The following ITGBL1 variants were observed in gnomAD, a reference collection of about 807,000 sequenced individuals.
ITGBL1 encodes integrin beta-like protein 1.
ITGBL1 carries 51 observed loss-of-function variants against 68.5 expected under a neutral mutation model. The ratio of observed to expected loss-of-function variants is 0.74; its 90% CI spans 0.59 to 0.94. ITGBL1 has a LOEUF of 0.94. Ranked by LOEUF, ITGBL1 falls within the 40% of genes least tolerant of loss-of-function variation. The pLI is 0.00. For synonymous variants in ITGBL1, 209 were observed against 227.3 expected (o/e 0.92, Z 0.72); for missense variants, 649 against 647.4 (o/e 1.00, Z -0.03).
At chr13:101,683,919 TTTG>T (rs140771777) in intron 7 of ITGBL1, among the ~76,000 whole-genome samples, 1 of 151,926 alleles carries the variant, frequency 6.6e-6, no homozygotes, top group Non-Finnish European at 1.5e-5. Context: ...ATTGTATGTA[TTTG>T]TTGTTGTTGT....
intron 2 of ITGBL1, among the ~76,000 whole-genome samples, chr13:101,542,367 T>C (rs1331060216): frequency 2.0e-5 from 3 of 152,236 alleles, no homozygotes; most frequent in Admixed American, 1.3e-4. Flanking sequence ...TGAGCGGTTT[T>C]GAGTGAGTTT....
At chr13:101,604,049 G>GTA (rs1411736950) in intron 7 of ITGBL1, among the ~76,000 whole-genome samples, 1 of 151,828 alleles carries the variant, frequency 6.6e-6, no homozygotes, top group African/African-American at 2.4e-5. Context: ...TGAACAAAAT[G>GTA]TATACTTTTA....
chr13:101,474,894 G>A (rs1168005133), intron 2 of ITGBL1, among the ~76,000 whole-genome samples: 1 of 152,200 alleles, frequency 6.6e-6, no homozygotes, highest in Non-Finnish European at 1.5e-5. Flanking sequence ...TGCAGACACA[G>A]CTGCAATGAC....
At chr13:101,564,809 T>G (rs1402388971) in intron 2 of ITGBL1, among the ~76,000 whole-genome samples, 1 of 151,386 alleles carries the variant, frequency 6.6e-6, no homozygotes, top group African/African-American at 2.4e-5. Flanking sequence ...AAAATGACTC[T>G]GCAATTTCAA....
intron 3 of ITGBL1, among the ~76,000 whole-genome samples, chr13:101,574,881 A>G (rs2050331329): frequency 6.6e-6 from 1 of 152,116 alleles, no homozygotes; most frequent in Admixed American, 6.6e-5. Context: ...TATTGTAAGG[A>G]CATGTGTATC....
intron 6 of ITGBL1, among the ~76,000 whole-genome samples, chr13:101,584,908 G>A (rs2050525521): frequency 6.6e-6 from 1 of 151,776 alleles, no homozygotes; most frequent in Admixed American, 6.6e-5. Flanking sequence ...GGATCACAGT[G>A]CATGTGGGTT....
At chr13:101,575,805 G>T (rs1273990037) in intron 4 of ITGBL1, among the ~76,000 whole-genome samples, 1 of 152,106 alleles carries the variant, frequency 6.6e-6, no homozygotes, top group East Asian at 1.9e-4. Context: ...TAGCTCTGAA[G>T]TAGTCCTAGT....
chr13:101,697,414 T>C (rs1412475114), intron 8 of ITGBL1, among the ~76,000 whole-genome samples: 1 of 152,194 alleles, frequency 6.6e-6, no homozygotes, highest in South Asian at 2.1e-4. Flanking sequence ...ATATTTTGTC[T>C]AGAGAAAGTC....
chr13:101,606,108 C>CTA (rs1361018876), intron 7 of ITGBL1, among the ~76,000 whole-genome samples: 38 of 131,974 alleles, frequency 2.9e-4, no homozygotes, highest in Admixed American at 7.7e-4. Flanking sequence ...TGCTCTCTCT[C>CTA]TCTCTATATA....
At chr13:101,531,263 CATG>C (rs1454933324) in intron 2 of ITGBL1, among the ~76,000 whole-genome samples, 1 of 152,104 alleles carries the variant, frequency 6.6e-6, no homozygotes, top group African/African-American at 2.4e-5. Context: ...CAATTGTTTA[CATG>C]ATATGTTTTC....
At chr13:101,681,476 A>G (rs2033639765) in intron 7 of ITGBL1, among the ~76,000 whole-genome samples, 1 of 152,198 alleles carries the variant, frequency 6.6e-6, no homozygotes, top group South Asian at 2.1e-4. Context: ...GGTCCTGAAT[A>G]AATAATGACT....
intron 2 of ITGBL1, among the ~76,000 whole-genome samples, chr13:101,562,558 A>T (rs1594891988): frequency 6.6e-6 from 1 of 152,036 alleles, no homozygotes; most frequent in East Asian, 1.9e-4. Flanking sequence ...AGGCTTTAGG[A>T]CAAGAAATAA....
At chr13:101,708,026 AACACACACACACACACACAC>A (rs3062945) in intron 9 of ITGBL1, among the ~76,000 whole-genome samples, 1 of 144,336 alleles carries the variant, frequency 6.9e-6, no homozygotes, top group African/African-American at 2.6e-5. Context: ...CACACATGCA[AACACACACACACACACACAC>A]ACACACACAC....
chr13:101,530,793 A>G (rs560640825), intron 2 of ITGBL1, among the ~76,000 whole-genome samples: 2 of 152,302 alleles, frequency 1.3e-5, no homozygotes, highest in South Asian at 4.1e-4. Context: ...TAGGTTGGCT[A>G]TTGACCTAAA....
intron 2 of ITGBL1, among the ~76,000 whole-genome samples, chr13:101,541,688 CT>C (rs967768487): frequency 6.6e-5 from 10 of 151,744 alleles, no homozygotes; most frequent in Admixed American, 5.2e-4. Flanking sequence ...TGGTCCTGGA[CT>C]TTTTTTTGGT....
At chr13:101,604,885 T>TGCACACACAC (rs1555361691) in intron 7 of ITGBL1, among the ~76,000 whole-genome samples, 2 of 11,924 alleles carry the variant, frequency 1.7e-4, no homozygotes, top group Non-Finnish European at 3.7e-4. Context: ...TATATATATA[T>TGCACACACAC]ATACACACAC....
chr13:101,627,749 GT>G (rs1415667606), intron 7 of ITGBL1, among the ~76,000 whole-genome samples: 1 of 152,050 alleles, frequency 6.6e-6, no homozygotes, highest in African/African-American at 2.4e-5. Flanking sequence ...ATGCACTTAA[GT>G]TTTTTAAGTG....
At chr13:101,517,034 A>G (rs572115199) in intron 2 of ITGBL1, among the ~76,000 whole-genome samples, 1 of 152,334 alleles carries the variant, frequency 6.6e-6, no homozygotes, top group South Asian at 2.1e-4. Context: ...TCAAGGTGAC[A>G]TTAAGCTTCC....
intron 7 of ITGBL1, among the ~76,000 whole-genome samples, chr13:101,685,233 C>G (rs920929612): frequency 5.3e-5 from 8 of 151,926 alleles, no homozygotes; most frequent in African/African-American, 1.9e-4. Flanking sequence ...TAAGTCTTCT[C>G]CTATGGCCTT....
Sources: gnomAD v4.1 joint callset for allele counts (sites outside exome capture counted in the v4.1 genomes callset) on GRCh38, gnomAD v4.1.1 for gene constraint, MANE v1.5 for transcripts, NCBI Gene and HGNC (gene_info 2026-07-23, HGNC 2026-07-21) for gene names.